PRG4: variants seen among roughly 807,000 people sequenced by gnomAD.
The protein encoded by PRG4 is proteoglycan 4, also known as articular superficial zone protein.
Under a neutral mutation model 91.2 loss-of-function variants are expected in PRG4, and 61 were observed. That is an observed-to-expected ratio of 0.67 (90% CI 0.54 to 0.83). PRG4 has a LOEUF of 0.83. Among genes scored for constraint, PRG4 ranks in the 40% least tolerant of loss-of-function variants. The probability of loss-of-function intolerance (pLI) is 0.00; values close to 1 mark genes in which losing one functional copy is unlikely to be tolerated. For missense variants in PRG4, 1,564 were observed against 1,714.2 expected (o/e 0.91, Z 1.55); for synonymous variants, 576 against 614.2 (o/e 0.94, Z 0.92).
In PRG4 at chr1:186,312,199, ATAAACAGGAACC is replaced by A. The variant is rs1657305028; in HGVS notation, c.3820_3831del (p.Lys1274_Pro1277del). 1 of 1,613,886 alleles carries A rather than the reference ATAAACAGGAACC, an allele frequency of 6.2e-7. No homozygotes were observed. Reference sequence around the variant, plus strand: ...GGTGGCAGCATTCAGCAGTATATTTATAAACAGGAACCTGTACAGAAGTGCCCTGGAAGAAGG... The same window carrying A: ...GGTGGCAGCATTCAGCAGTATATTTATGTACAGAAGTGCCCTGGAAGAAGG... On this transcript the variant is annotated inframe_deletion, in exon 11 of 13. Coordinates refer to ENST00000445192, the MANE Select transcript of PRG4 (RefSeq NM_005807.6).
chr1:186,309,193 C>T, intron 7 of PRG4, 53 bp downstream of exon 7: 1 of 1,529,494 alleles, frequency 6.5e-7, no homozygotes, highest in Admixed American at 1.7e-5. Context: ...TAGTTTACAT[C>T]TATCTGAACC....
chr1:186,306,450 A>C lies in PRG4; in HGVS notation c.731A>C (p.Asn244Thr). 4.3e-6 allele frequency: 7 copies of C among 1,613,782 alleles called. No homozygotes were observed. Among genetic ancestry groups the C allele is most frequent in the Non-Finnish European group, 5.9e-6 (7 of 1,179,798 alleles). The change falls in exon 7 of 13, where the codon AAT becomes ACT. Residue 244 changes from asparagine to threonine, a missense_variant. This residue lies in a region of PRG4 where 437 missense variants were observed against 459.0 expected (regional missense o/e 0.95). Transcript: ENST00000445192. ...TTPDTSTTQH[N>T]KVSTSPKITT... Reference sequence around the variant, plus strand: ...CCTGACACGTCTACCACCCAACACAATAAAGTCAGCACATCTCCCAAGATC... The same window carrying C: ...CCTGACACGTCTACCACCCAACACACTAAAGTCAGCACATCTCCCAAGATC...
At chr1:186,311,243 C>T (rs1657198947) in intron 9 of PRG4, 73 bp downstream of exon 9, 31 of 1,491,466 alleles carry the variant, frequency 2.1e-5, no homozygotes, top group Non-Finnish European at 2.8e-5. Flanking sequence ...ACATATATTG[C>T]CTTAACCTCC....
At position 186,307,383 on chromosome 1, in the gene PRG4, C is replaced by G; in HGVS notation, c.1664C>G (p.Thr555Ser). The change falls in exon 7 of 13, where the codon ACC becomes AGC. Residue 555 changes from threonine to serine, a missense_variant. Coordinates refer to ENST00000445192, the MANE Select transcript of PRG4 (RefSeq NM_005807.6). ...APTTPKEPSP[T>S]TTKEPAPTTP... Reference sequence around the variant, plus strand: ...ACCACTCCCAAGGAGCCTTCACCCACCACCACCAAGGAGCCTGCACCCACC... The same window carrying G: ...ACCACTCCCAAGGAGCCTTCACCCAGCACCACCAAGGAGCCTGCACCCACC... 6.2e-7 allele frequency: 1 copy of G among 1,603,314 alleles called. No individual in the cohort carries two copies. The highest frequency in any genetic ancestry group is 8.5e-7 in the Non-Finnish European group (1 of 1,176,780).
chr1:186,300,211 CG>C lies in PRG4; in HGVS notation c.199+1del, dbSNP rs1334424929. On this transcript the variant is annotated frameshift_variant and splice_region_variant, in exon 3 of 13. Transcript: ENST00000445192. LOFTEE classifies it high-confidence loss of function. ...CCTGATTTCAAGAGAGTCTGCACTG[CG>C]GGTAAGTCCTGAGAGCGGGTGTCTC... ...CCPDFKRVCT[A>X]ELSCKGRCFE... 1.2e-6 allele frequency: 2 copies of C among 1,613,856 alleles called. No homozygotes were observed. Among genetic ancestry groups the C allele is most frequent in the Non-Finnish European group, 1.7e-6 (2 of 1,180,030 alleles).
At chr1:186,311,928 C>A (rs1048530047) in intron 10 of PRG4, 37 of 538,850 alleles carry the variant, frequency 6.9e-5, no homozygotes, top group East Asian at 2.2e-4. Flanking sequence ...AAACTGAGCA[C>A]TTGTCACTTT....
rs1571551244 is a variant in PRG4, at chr1:186,300,312, C to T, written c.199+99C>T. 3.4e-6 allele frequency: 5 copies of T among 1,467,104 alleles called. No individual in the cohort carries two copies. In the East Asian group the frequency reaches 1.1e-4, roughly 33 times the overall value. 90.9% of individuals were successfully genotyped at this position (1,467,104 alleles called of 1,614,324 possible). ...GCAGTGCTGTGAGACTGAGCCTCCCCTTGCACCCACTTGCAGTGCTGTTTT... is the reference window on the plus strand; with the variant it reads ...GCAGTGCTGTGAGACTGAGCCTCCCTTTGCACCCACTTGCAGTGCTGTTTT... On this transcript the variant is annotated intron_variant, in intron 3 of 12. Transcript: ENST00000445192.
At chr1:186,300,515 T>C (rs1656139157) in intron 3 of PRG4, among the ~76,000 whole-genome samples, 1 of 152,216 alleles carries the variant, frequency 6.6e-6, no homozygotes, top group Admixed American at 6.5e-5. Flanking sequence ...TTATTTTAAA[T>C]AGAGAAGATA....
chr1:186,303,218 C>T (rs1333322639), intron 4 of PRG4, among the ~76,000 whole-genome samples: 1 of 152,060 alleles, frequency 6.6e-6, no homozygotes, highest in African/African-American at 2.4e-5. Flanking sequence ...AGAGGTTAAC[C>T]ATTTTGGCCA....
chr1:186,309,455 A>G (rs891570257), intron 7 of PRG4, among the ~76,000 whole-genome samples: 2 of 152,198 alleles, frequency 1.3e-5, no homozygotes, highest in African/African-American at 4.8e-5. Flanking sequence ...CTGTAGTATC[A>G]TTTTCCAAAC....
intron 5 of PRG4, among the ~76,000 whole-genome samples, 198 bp from the exon 6 acceptor site, chr1:186,304,596 T>C (rs1392678565): frequency 6.6e-6 from 1 of 152,208 alleles, no homozygotes; most frequent in Non-Finnish European, 1.5e-5. Flanking sequence ...ATACTAGTAA[T>C]ACTGCTAGTA....
intron 6 of PRG4, among the ~76,000 whole-genome samples, 167 bp downstream of exon 6, chr1:186,305,089 T>C (rs1656470210): frequency 6.6e-6 from 1 of 152,184 alleles, no homozygotes; most frequent in East Asian, 1.9e-4. Flanking sequence ...TACAGGAAAT[T>C]AGTGCCAAGC....
chr1:186,304,249 T>C lies in PRG4; in HGVS notation c.461T>C (p.Ile154Thr). Residue 154 changes from isoleucine (I) to threonine (T), a missense_variant, in exon 5 of 13, where the codon ATA (isoleucine) becomes ACA (threonine). By Grantham distance (89) the Ile-to-Thr change is moderately conservative. This residue lies in a region of PRG4 where 437 missense variants were observed against 459.0 expected (regional missense o/e 0.95). Transcript: ENST00000445192. ...AAGAAAGTTATAGAATCAGAGGAAATAACAGAAGGTAGGAAGATGACAGAT... is the reference window on the plus strand; with the variant it reads ...AAGAAAGTTATAGAATCAGAGGAAACAACAGAAGGTAGGAAGATGACAGAT... ...KTKKVIESEEITEEHSVSENQ... is the reference protein window; with the variant it reads ...KTKKVIESEETTEEHSVSENQ... 1.9e-6 allele frequency: 3 copies of C among 1,612,912 alleles called. No homozygotes were observed. Among genetic ancestry groups the C allele is most frequent in the Non-Finnish European group, 2.5e-6 (3 of 1,179,036 alleles).
intron 6 of PRG4, 81 bp downstream of exon 6, chr1:186,305,003 G>T: frequency 7.1e-7 from 1 of 1,418,228 alleles, no homozygotes; most frequent in African/African-American, 1.4e-5. Context: ...CGTGTTGGCA[G>T]AATGAGGACA....
chr1:186,304,654 C>A, intron 5 of PRG4, 140 bp from the exon 6 acceptor site: 1 of 1,017,200 alleles, frequency 9.8e-7, no homozygotes, highest in Non-Finnish European at 1.5e-6. Flanking sequence ...GATTAAAAGG[C>A]AGTTGGTCAT....
intron 10 of PRG4, 169 bp downstream of exon 10, chr1:186,311,765 A>G: frequency 1.4e-6 from 1 of 715,914 alleles, no homozygotes; most frequent in Non-Finnish European, 2.3e-6. Flanking sequence ...CTCAATTTTT[A>G]TTTTCATTTC....
At chr1:186,309,375 G>A (rs1355573135) in intron 7 of PRG4, among the ~76,000 whole-genome samples, 1 of 152,166 alleles carries the variant, frequency 6.6e-6, no homozygotes, top group Non-Finnish European at 1.5e-5. Flanking sequence ...GAGCAGCAGA[G>A]ATGGTATATA....
In PRG4 at chr1:186,314,150, TAC is replaced by T; in HGVS notation, c.*374_*375del. ...GTGGATATAAAACTGTTGGGTATTC[TAC>T]AACTTCAATGGAAATTATTACAAGC... On this transcript the variant is annotated 3_prime_UTR_variant, in exon 13 of 13. Coordinates refer to ENST00000445192, the MANE Select transcript of PRG4 (RefSeq NM_005807.6). 1 of 813,994 alleles carries T rather than the reference TAC, an allele frequency of 1.2e-6. No homozygotes were observed. Among genetic ancestry groups the T allele is most frequent in the Non-Finnish European group, 1.9e-6 (1 of 525,268 alleles). 50.4% of individuals were successfully genotyped at this position (813,994 alleles called of 1,614,324 possible). A position where few individuals can be genotyped will look rare whatever the true frequency, so the allele number is the denominator to read the frequency against.
chr1:186,306,593 A>G lies in PRG4; in HGVS notation c.874A>G (p.Thr292Ala). The change falls in exon 7 of 13, where the codon ACA (threonine) becomes GCA (alanine). Residue 292 changes from threonine to alanine, a missense_variant. Thr to Ala is a moderately conservative substitution (Grantham distance 58, BLOSUM62 0). Transcript: ENST00000445192. ...TTVETKETTT[T>A]NKQTSTDGKE... ...AGTTGAAACTAAAGAAACTACTACA[A>G]CAAATAAACAGACTTCAACTGATGG... 1 of 1,613,524 alleles carries G rather than the reference A, an allele frequency of 6.2e-7. No individual in the cohort carries two copies. Among genetic ancestry groups the G allele is most frequent in the Non-Finnish European group, 8.5e-7 (1 of 1,179,626 alleles).
Sources: gnomAD v4.1 joint callset for allele counts (sites outside exome capture counted in the v4.1 genomes callset) on GRCh38, gnomAD v4.1.1 for gene constraint, gnomAD v4.1.1 regional missense constraint, MANE v1.5 for transcripts, NCBI Gene and HGNC (gene_info 2026-07-23, HGNC 2026-07-21) for gene names.